The following ZNF469 variants were observed in gnomAD, a reference collection of about 807,000 sequenced individuals.
ZNF469 encodes zinc finger protein 469.
ZNF469 carries 1 observed loss-of-function variant against 1.0 expected under a neutral mutation model. That is an observed-to-expected ratio of 1.00 (90% CI 0.35 to 4.73). ZNF469 has a LOEUF of 4.73. Ranked by LOEUF, ZNF469 falls within the 30% of genes most tolerant of loss-of-function variation. The pLI is 0.16. For synonymous variants in ZNF469, 2,703 were observed against 2,363.4 expected, an observed-to-expected ratio of 1.14 and a Z score of -4.17; for missense variants, 6,100 against 5,356.3, an observed-to-expected ratio of 1.14 and a Z score of -4.33.
the ZNF469 span, among the ~76,000 whole-genome samples, chr16:88,242,892 G>A: frequency 3.3e-5 from 5 of 152,240 alleles, no homozygotes; most frequent in Non-Finnish European, 7.3e-5. Context: ...TTCGGAAGGA[G>A]CTAGCTGGGA....
the ZNF469 span, among the ~76,000 whole-genome samples, chr16:88,205,304 G>GT: frequency 6.6e-6 from 1 of 152,122 alleles, no homozygotes; most frequent in Non-Finnish European, 1.5e-5. This position sits in a 1 kb window ranked among gnomAD's most constrained non-coding sequence, Gnocchi z 4.2. Context: ...TCCTCGAAGG[G>GT]TTTTTTAGGA....
chr16:88,303,871 A>T, the ZNF469 span, among the ~76,000 whole-genome samples: 1 of 152,184 alleles, frequency 6.6e-6, no homozygotes, highest in Non-Finnish European at 1.5e-5. Flanking sequence ...AAGCACCCAC[A>T]CAGGCCACAC....
At chr16:88,171,959 T>C in the ZNF469 span, among the ~76,000 whole-genome samples, 6 of 152,222 alleles carry the variant, frequency 3.9e-5, no homozygotes, top group Non-Finnish European at 8.8e-5. Flanking sequence ...GGATGAAGTG[T>C]TCAGAGCATC....
the ZNF469 span, among the ~76,000 whole-genome samples, chr16:88,306,049 ACTG>A: frequency 6.6e-6 from 1 of 152,222 alleles, no homozygotes; most frequent in African/African-American, 2.4e-5. Context: ...ACCTGGTCTG[ACTG>A]CACTGCAAAA....
the ZNF469 span, among the ~76,000 whole-genome samples, chr16:88,157,303 C>T: frequency 2.6e-5 from 4 of 152,238 alleles, no homozygotes; most frequent in African/African-American, 4.8e-5. Flanking sequence ...TGGAGCCCCA[C>T]AGCCTCAGGC....
At chr16:88,252,023 C>A in the ZNF469 span, among the ~76,000 whole-genome samples, 1 of 150,158 alleles carries the variant, frequency 6.7e-6, no homozygotes, top group Non-Finnish European at 1.5e-5. Flanking sequence ...GTGAGTACTC[C>A]TGAATTTCCA....
At chr16:88,264,964 CG>C in the ZNF469 span, among the ~76,000 whole-genome samples, 2 of 152,108 alleles carry the variant, frequency 1.3e-5, no homozygotes, top group South Asian at 4.1e-4. Context: ...GGGCTGACTG[CG>C]GTTCTGTGCT....
chr16:88,209,702 G>A, the ZNF469 span, among the ~76,000 whole-genome samples: 11 of 152,050 alleles, frequency 7.2e-5, no homozygotes, highest in Non-Finnish European at 1.3e-4. Context: ...ATAACATATC[G>A]TGGAAATGAC....
At chr16:88,308,546 C>T in the ZNF469 span, among the ~76,000 whole-genome samples, 2 of 152,204 alleles carry the variant, frequency 1.3e-5, no homozygotes, top group African/African-American at 4.8e-5. Context: ...CTCTGCAGAG[C>T]ACCCAGCATT....
At chr16:88,159,443 C>T in the ZNF469 span, among the ~76,000 whole-genome samples, 1 of 152,202 alleles carries the variant, frequency 6.6e-6, no homozygotes, top group Non-Finnish European at 1.5e-5. Context: ...GGGGGACAGG[C>T]CATGGCTCTG....
the ZNF469 span, among the ~76,000 whole-genome samples, chr16:88,186,458 A>C: frequency 6.6e-6 from 1 of 152,022 alleles, no homozygotes; most frequent in South Asian, 2.1e-4. Context: ...GGGGAAGGTG[A>C]GCCAGGCTCC....
the ZNF469 span, among the ~76,000 whole-genome samples, chr16:88,247,814 T>A: frequency 6.7e-6 from 1 of 148,570 alleles, no homozygotes; most frequent in Non-Finnish European, 1.5e-5. Context: ...AGTGAGTGAG[T>A]GAGTGAATGA....
chr16:88,376,515 C>T, the ZNF469 span, among the ~76,000 whole-genome samples: 7 of 152,314 alleles, frequency 4.6e-5, no homozygotes, highest in South Asian at 8.3e-4. Context: ...CTCGCTCTGC[C>T]GCCGCCCGTG....
the ZNF469 span, among the ~76,000 whole-genome samples, chr16:88,242,451 G>A: frequency 1.3e-5 from 2 of 152,118 alleles, no homozygotes; most frequent in African/African-American, 4.8e-5. Context: ...ATCCCTCTGT[G>A]CATCTATGTC....
At chr16:88,384,263 C>T (rs992677215) in intron 1 of ZNF469, among the ~76,000 whole-genome samples, 3 of 152,184 alleles carry the variant, frequency 2.0e-5, no homozygotes, top group Non-Finnish European at 4.4e-5. Context: ...GTGGACAGCC[C>T]CTGCCCATTC....
chr16:88,121,479 C>G, the ZNF469 span, among the ~76,000 whole-genome samples: 10 of 152,158 alleles, frequency 6.6e-5, no homozygotes, highest in East Asian at 1.5e-3. Flanking sequence ...GAAACGTTCG[C>G]AAAGAAACAA....
the ZNF469 span, among the ~76,000 whole-genome samples, chr16:88,197,615 C>A: frequency 2.0e-5 from 3 of 152,224 alleles, no homozygotes; most frequent in Non-Finnish European, 4.4e-5. Context: ...GCTGCCTCAA[C>A]ACTTACCCTC....
chr16:88,134,741 G>C, the ZNF469 span, among the ~76,000 whole-genome samples: 1 of 152,180 alleles, frequency 6.6e-6, no homozygotes, highest in Non-Finnish European at 1.5e-5. Context: ...AGGTGGCCTG[G>C]GCCTCGAGCA....
Position 88,427,756 on chromosome 16 carries a change from C to G in ZNF469, c.286C>G (p.Pro96Ala). 2 of 1,544,496 alleles carry G rather than the reference C, an allele frequency of 1.3e-6. No individual in the cohort carries two copies. The highest frequency in any genetic ancestry group is 1.7e-6 in the Non-Finnish European group (2 of 1,146,418). Residue 96 changes from proline (P) to alanine (A), a missense_variant, in exon 3 of 3, where the codon CCA becomes GCA. By Grantham distance (27) the Pro-to-Ala change is conservative. Transcript: ENST00000565624. ...TPGKRGSPQTPPGRSPLQAPS... is the reference protein window; with the variant it reads ...TPGKRGSPQTAPGRSPLQAPS... ...TGGGAAGAGGGGCAGCCCCCAGACCCCACCGGGGAGAAGCCCCTTGCAGGC... is the reference window on the plus strand; with the variant it reads ...TGGGAAGAGGGGCAGCCCCCAGACCGCACCGGGGAGAAGCCCCTTGCAGGC...
Sources: allele counts gnomAD v4.1 joint callset (sites outside exome capture counted in the v4.1 genomes callset), GRCh38; gene constraint gnomAD v4.1.1; non-coding constraint Gnocchi (gnomAD v3.1); transcripts MANE v1.5; gene names NCBI Gene and HGNC (gene_info 2026-07-23, HGNC 2026-07-21).